SGCD: variants seen among roughly 807,000 people sequenced by gnomAD.
SGCD encodes the protein delta-sarcoglycan.
A neutral mutation model predicts 36.6 loss-of-function variants in SGCD; 18 were observed. The ratio of observed to expected loss-of-function variants is 0.49; its 90% confidence interval spans 0.34 to 0.73. The LOEUF (loss-of-function observed/expected upper bound fraction) is 0.73. Among genes scored for constraint, SGCD ranks in the 30% least tolerant of loss-of-function variants. The pLI is 0.01. For missense variants in SGCD, 387 were observed against 346.7 expected, an observed-to-expected ratio of 1.12 and a Z score of -0.92; for synonymous variants, 133 against 130.6, an observed-to-expected ratio of 1.02 and a Z score of -0.12.
At chr5:155,909,809 A>T (rs1186968032) in intron 1 of SGCD, among the ~76,000 whole-genome samples, 1 of 152,134 alleles carries the variant, frequency 6.6e-6, no homozygotes, top group African/African-American at 2.4e-5. Context: ...AGCTTAACAG[A>T]TGAAGACCAA....
chr5:156,626,979 T>C (rs1046949292), intron 6 of SGCD, among the ~76,000 whole-genome samples: 3 of 152,222 alleles, frequency 2.0e-5, no homozygotes, highest in African/African-American at 7.2e-5. Flanking sequence ...TCTCATAGTT[T>C]GATGTATTTC....
chr5:156,038,787 G>A (rs552479117), intron 1 of SGCD, among the ~76,000 whole-genome samples: 13 of 152,268 alleles, frequency 8.5e-5, no homozygotes, highest in South Asian at 2.1e-4. Flanking sequence ...TAGAAAAGGC[G>A]CAGAAGAACC....
chr5:156,300,036 T>A (rs1456325495), intron 3 of SGCD, among the ~76,000 whole-genome samples: 1 of 152,100 alleles, frequency 6.6e-6, no homozygotes, highest in African/African-American at 2.4e-5. Context: ...GCTTTCAGTT[T>A]TTTCCCCATT....
chr5:156,466,092 C>T (rs1469931900), intron 3 of SGCD, among the ~76,000 whole-genome samples: 1 of 152,168 alleles, frequency 6.6e-6, no homozygotes, highest in African/African-American at 2.4e-5. Flanking sequence ...ATGTCATATA[C>T]AAGTTGTAGA....
chr5:155,924,931 C>A (rs998056243), intron 1 of SGCD, among the ~76,000 whole-genome samples: 4 of 152,156 alleles, frequency 2.6e-5, no homozygotes, highest in Non-Finnish European at 5.9e-5. Flanking sequence ...GGACCATTAT[C>A]CTTGCAGATA....
chr5:156,344,008 C>G (rs778470013), intron 2 of SGCD, among the ~76,000 whole-genome samples: 6 of 152,164 alleles, frequency 3.9e-5, no homozygotes, highest in Non-Finnish European at 8.8e-5. Flanking sequence ...ACGGTTGCCA[C>G]TGACTGGCAA....
At chr5:156,653,442 A>C (rs902078255) in intron 7 of SGCD, among the ~76,000 whole-genome samples, 10 of 141,688 alleles carry the variant, frequency 7.1e-5, no homozygotes, top group Non-Finnish European at 1.1e-4. Context: ...TTGTAATGTC[A>C]CCTTTGTCAT....
chr5:156,607,125 G>C (rs1034691875), intron 6 of SGCD, among the ~76,000 whole-genome samples: 3 of 152,154 alleles, frequency 2.0e-5, no homozygotes, highest in African/African-American at 4.8e-5. Context: ...TCTTGTGCCA[G>C]TTTTCAAAGG....
intron 3 of SGCD, among the ~76,000 whole-genome samples, chr5:156,153,752 G>A (rs1821245): frequency 0.44 from 66,494 of 151,174 alleles, 15,541 homozygotes; most frequent in African/African-American, 0.54. Flanking sequence ...TCAGCTACAC[G>A]TGGAAATCAA....
chr5:156,291,337 C>T (rs542121376), intron 3 of SGCD, among the ~76,000 whole-genome samples: 1 of 152,014 alleles, frequency 6.6e-6, no homozygotes, highest in South Asian at 2.1e-4. Flanking sequence ...ACATGCTATG[C>T]ATGTAAAAAA....
At chr5:155,944,365 C>A (rs1222132106) in intron 1 of SGCD, among the ~76,000 whole-genome samples, 2 of 152,192 alleles carry the variant, frequency 1.3e-5, no homozygotes, top group Non-Finnish European at 2.9e-5. Context: ...TTTGCAGATG[C>A]CATTCCAGAC....
intron 1 of SGCD, among the ~76,000 whole-genome samples, chr5:156,116,777 G>A (rs947521704): frequency 1.3e-5 from 2 of 152,126 alleles, no homozygotes; most frequent in Admixed American, 1.3e-4. Flanking sequence ...TGTCTCATTA[G>A]TTTATTGGAA....
intron 6 of SGCD, among the ~76,000 whole-genome samples, chr5:156,619,763 T>A (rs539166069): frequency 1.3e-5 from 2 of 152,352 alleles, no homozygotes; most frequent in East Asian, 3.9e-4. Flanking sequence ...ATTAACTTTG[T>A]TCTCCTTTAT....
chr5:156,367,723 C>T (rs566653212), intron 3 of SGCD, among the ~76,000 whole-genome samples: 19 of 152,286 alleles, frequency 1.2e-4, no homozygotes, highest in Admixed American at 3.9e-4. Context: ...CACAGCCAGA[C>T]GGGGAGTTAG....
chr5:155,804,156 T>G, the SGCD span, among the ~76,000 whole-genome samples: 2 of 152,322 alleles, frequency 1.3e-5, no homozygotes, highest in Middle Eastern at 3.4e-3. Flanking sequence ...ATAATCCTTT[T>G]GATAATTATG....
chr5:155,840,882 A>AT, the SGCD span, among the ~76,000 whole-genome samples: 1 of 151,688 alleles, frequency 6.6e-6, no homozygotes, highest in Non-Finnish European at 1.5e-5. Flanking sequence ...ATGGTGGCAC[A>AT]TGCCTGTAAT....
chr5:156,008,804 T>G (rs1279800458), intron 1 of SGCD, among the ~76,000 whole-genome samples: 1 of 152,226 alleles, frequency 6.6e-6, no homozygotes, highest in Non-Finnish European at 1.5e-5. Flanking sequence ...TCTGAGGTAC[T>G]GGAAATTAGG....
intron 3 of SGCD, among the ~76,000 whole-genome samples, chr5:156,278,506 T>C (rs1766375215): frequency 6.6e-6 from 1 of 152,100 alleles, no homozygotes; most frequent in South Asian, 2.1e-4. Flanking sequence ...TCAAGATAAT[T>C]GTTTTTCCCC....
At chr5:156,281,805 G>T (rs1459749047) in intron 3 of SGCD, among the ~76,000 whole-genome samples, 1 of 152,142 alleles carries the variant, frequency 6.6e-6, no homozygotes, top group African/African-American at 2.4e-5. Flanking sequence ...GTAAAATGAT[G>T]TCATCAACAT....
Sources: gnomAD v4.1 joint callset for allele counts (sites outside exome capture counted in the v4.1 genomes callset) on GRCh38, gnomAD v4.1.1 for gene constraint, MANE v1.5 for transcripts, NCBI Gene and HGNC (gene_info 2026-07-23, HGNC 2026-07-21) for gene names.